The following G2E3 variants were observed in gnomAD, a reference collection of about 807,000 sequenced individuals.
The protein encoded by G2E3 is G2/M-phase specific E3 ubiquitin protein ligase.
G2E3 carries 35 observed loss-of-function variants against 92.8 expected under a neutral mutation model. That is an observed-to-expected ratio of 0.38 (90% confidence interval 0.29 to 0.50). G2E3 has a LOEUF of 0.50. G2E3 is among the 20% of genes least tolerant of loss of function. G2E3 has a pLI of 0.94. For missense variants in G2E3, 554 were observed against 823.8 expected, an observed-to-expected ratio of 0.67 and a Z score of 4.01; for synonymous variants, 242 against 272.4, an observed-to-expected ratio of 0.89 and a Z score of 1.10.
chr14:30,585,089 C>T (rs1011486988), intron 2 of G2E3, among the ~76,000 whole-genome samples: 1 of 151,984 alleles, frequency 6.6e-6, no homozygotes, highest in Non-Finnish European at 1.5e-5. Flanking sequence ...CCGCCTGGGC[C>T]TCCCAAAGTG....
chr14:30,614,542 C>T (rs229243), intron 13 of G2E3, among the ~76,000 whole-genome samples: 1 of 151,978 alleles, frequency 6.6e-6, no homozygotes, highest in Admixed American at 6.6e-5. Context: ...TTGTGACCTA[C>T]TCACCTCTTA....
At position 30,619,621 on chromosome 14, in the gene G2E3, T is replaced by A. The variant is rs1034431143; in HGVS notation, c.*3087T>A. ...ATCTGTGGTTTAGGAAAATTTGGAT[T>A]GTCTTGAAGAGACTCAGTTTTCAAG... On this transcript the variant is annotated 3_prime_UTR_variant, in exon 15 of 15. Coordinates refer to ENST00000206595, the MANE Select transcript of G2E3 (RefSeq NM_017769.5). 5.9e-5 allele frequency: 9 copies of A among 152,164 alleles called. No homozygotes were observed. The highest frequency in any genetic ancestry group is 1.7e-4 in the African/African-American group (7 of 41,452). 9.4% of individuals were successfully genotyped at this position (152,164 alleles called of 1,614,324 possible).
intron 1 of G2E3, among the ~76,000 whole-genome samples, chr14:30,568,513 A>T (rs1018217805): frequency 1.3e-5 from 2 of 151,920 alleles, no homozygotes; most frequent in African/African-American, 4.8e-5. Context: ...ATTGATTTGT[A>T]TAGTGTACCA....
At chr14:30,601,657 T>C in intron 8 of G2E3, 113 bp from the exon 9 acceptor site, 1 of 939,842 alleles carries the variant, frequency 1.1e-6, no homozygotes, top group Non-Finnish European at 1.7e-6. Context: ...AGTAAATCGA[T>C]TGGGCGGGTG....
intron 1 of G2E3, among the ~76,000 whole-genome samples, chr14:30,563,159 G>GTTT (rs777808352): frequency 7.0e-6 from 1 of 142,686 alleles, no homozygotes; most frequent in African/African-American, 2.5e-5. Context: ...TCTTGGTACA[G>GTTT]TTTTTTTTTT....
At chr14:30,591,738 A>T (rs1881022646) in intron 4 of G2E3, among the ~76,000 whole-genome samples, 1 of 152,146 alleles carries the variant, frequency 6.6e-6, no homozygotes, top group South Asian at 2.1e-4. Context: ...ATCCAGGATG[A>T]TCTCAAGATC....
At chr14:30,582,157 A>G (rs1367441470) in intron 2 of G2E3, among the ~76,000 whole-genome samples, 2 of 152,160 alleles carry the variant, frequency 1.3e-5, no homozygotes, top group East Asian at 1.9e-4. Context: ...GCAAATACAC[A>G]TCTACTATTG....
intron 1 of G2E3, among the ~76,000 whole-genome samples, chr14:30,576,950 G>C (rs1279243894): frequency 6.6e-6 from 1 of 152,142 alleles, no homozygotes; most frequent in Non-Finnish European, 1.5e-5. Flanking sequence ...GATGGGGCCA[G>C]GCACGATGGC....
intron 10 of G2E3, among the ~76,000 whole-genome samples, chr14:30,604,101 G>A (rs191913793): frequency 3.6e-4 from 55 of 152,256 alleles, no homozygotes; most frequent in African/African-American, 1.2e-3. Flanking sequence ...CGCTACACCA[G>A]GGAAGCTTGA....
chr14:30,595,079 G>A (rs939747398), intron 6 of G2E3, among the ~76,000 whole-genome samples: 12 of 151,954 alleles, frequency 7.9e-5, no homozygotes, highest in African/African-American at 1.4e-4. Flanking sequence ...TAGAGGTTGC[G>A]GTATGCTGAG....
At chr14:30,612,077 T>C in intron 12 of G2E3, 130 bp from the exon 13 acceptor site, 1 of 613,612 alleles carries the variant, frequency 1.6e-6, no homozygotes, top group East Asian at 2.8e-5. Context: ...AGAAGAATAT[T>C]TCTTGGTTTA....
intron 1 of G2E3, among the ~76,000 whole-genome samples, chr14:30,564,660 T>C (rs192755821): frequency 6.6e-6 from 1 of 152,314 alleles, no homozygotes; most frequent in African/African-American, 2.4e-5. Context: ...AAAGTAGACA[T>C]TTCAGTGACA....
chr14:30,590,900 T>C, intron 4 of G2E3: 1 of 289,992 alleles, frequency 3.4e-6, no homozygotes. Context: ...ACCAGAATTT[T>C]AGATTTGAAA....
intron 1 of G2E3, among the ~76,000 whole-genome samples, chr14:30,574,852 T>G (rs1273634211): frequency 6.6e-6 from 1 of 152,242 alleles, no homozygotes; most frequent in Non-Finnish European, 1.5e-5. Flanking sequence ...TGATTCCACG[T>G]CTTTGCTATT....
chr14:30,608,106 A>C, intron 12 of G2E3, 37 bp downstream of exon 12: 1 of 1,178,094 alleles, frequency 8.5e-7, no homozygotes, highest in Non-Finnish European at 1.2e-6. Flanking sequence ...TGCACACTAC[A>C]TTCTAGGTAT....
At chr14:30,611,201 C>T (rs1265806204) in intron 12 of G2E3, 1 of 152,198 alleles carries the variant, frequency 6.6e-6, no homozygotes, top group Non-Finnish European at 1.5e-5. Flanking sequence ...CCCCACCTAG[C>T]TGCAGCAAAA....
intron 1 of G2E3, among the ~76,000 whole-genome samples, chr14:30,564,611 G>A (rs1435996387): frequency 6.6e-6 from 1 of 152,170 alleles, no homozygotes; most frequent in African/African-American, 2.4e-5. Context: ...TGGAATTACA[G>A]GTGTGAGCCA....
intron 6 of G2E3, among the ~76,000 whole-genome samples, chr14:30,594,467 A>T (rs1881172267): frequency 6.6e-6 from 1 of 152,190 alleles, no homozygotes; most frequent in East Asian, 1.9e-4. Flanking sequence ...AGGAGGGTGG[A>T]TCACGAGGTC....
intron 8 of G2E3, among the ~76,000 whole-genome samples, chr14:30,601,403 GT>G (rs1403988998): frequency 1.3e-5 from 2 of 152,146 alleles, no homozygotes; most frequent in African/African-American, 4.8e-5. Context: ...TTTACTGAAT[GT>G]TTCTTCCATA....
Sources: gnomAD v4.1 joint callset for allele counts (sites outside exome capture counted in the v4.1 genomes callset) on GRCh38, gnomAD v4.1.1 for gene constraint, MANE v1.5 for transcripts, NCBI Gene and HGNC (gene_info 2026-07-23, HGNC 2026-07-21) for gene names.